Variants in SLC35F4 observed in about 807,000 individuals in gnomAD.
SLC35F4 encodes the protein chromosome 14 open reading frame 36.
Under a neutral mutation model 44.2 loss-of-function variants are expected in SLC35F4, and 24 were observed. The ratio of observed to expected loss-of-function variants is 0.54; its 90% confidence interval spans 0.39 to 0.76. SLC35F4 has a LOEUF of 0.76. SLC35F4 is among the 30% of genes least tolerant of loss of function. SLC35F4 has a pLI of 0.00. For synonymous variants in SLC35F4, 238 were observed against 223.6 expected, an observed-to-expected ratio of 1.06 and a Z score of -0.57; for missense variants, 562 against 586.1, an observed-to-expected ratio of 0.96 and a Z score of 0.42.
rs748597599 is a variant in SLC35F4 at position 57,564,130 on chromosome 14, C to G, written c.*5G>C. ...CATACACGTGCATTCAAAATATGTC[C>G]CTCTCTAAGCCAGTGGTATAGACAC... On this transcript the variant is annotated 3_prime_UTR_variant, in exon 8 of 8. Coordinates refer to ENST00000556826, the MANE Select transcript of SLC35F4 (RefSeq NM_001306087.2). 6.2e-7 allele frequency: 1 copy of G among 1,613,106 alleles called. No individual in the cohort carries two copies. Among genetic ancestry groups the G allele is most frequent in the South Asian group, 1.1e-5 (1 of 91,012 alleles).
chr14:57,910,200 G>C (rs1469931063), intron 1 of SLC35F4, among the ~76,000 whole-genome samples: 1 of 151,940 alleles, frequency 6.6e-6, no homozygotes, highest in Non-Finnish European at 1.5e-5. Flanking sequence ...TTGTATATCA[G>C]TCCTGTATCG....
chr14:57,795,910 A>G (rs2078043239), intron 1 of SLC35F4, among the ~76,000 whole-genome samples: 1 of 152,122 alleles, frequency 6.6e-6, no homozygotes. Flanking sequence ...GGTAGTAAGC[A>G]TAGTACCCAA....
chr14:57,719,144 G>A (rs577764123), intron 1 of SLC35F4, among the ~76,000 whole-genome samples: 56 of 152,240 alleles, frequency 3.7e-4, no homozygotes, highest in African/African-American at 1.3e-3. Flanking sequence ...TGAGTTCACT[G>A]TAGATGTGTG....
chr14:57,718,290 G>A (rs1298441164), intron 1 of SLC35F4, among the ~76,000 whole-genome samples: 1 of 152,128 alleles, frequency 6.6e-6, no homozygotes, highest in South Asian at 2.1e-4. Context: ...ATTGTGAATA[G>A]TGCTGCAACA....
intron 1 of SLC35F4, among the ~76,000 whole-genome samples, chr14:57,930,529 C>A (rs1436746008): frequency 6.6e-6 from 1 of 152,160 alleles, no homozygotes; most frequent in Non-Finnish European, 1.5e-5. Context: ...CTCATTGTCT[C>A]TCTCCCGCTC....
intron 1 of SLC35F4, among the ~76,000 whole-genome samples, chr14:57,699,367 A>T (rs1337676119): frequency 2.0e-5 from 3 of 152,144 alleles, no homozygotes; most frequent in Non-Finnish European, 2.9e-5. Context: ...TTATTTTAAC[A>T]CTTTTTCAGA....
intron 1 of SLC35F4, among the ~76,000 whole-genome samples, chr14:57,724,322 G>A (rs2076153049): frequency 6.6e-6 from 1 of 152,166 alleles, no homozygotes; most frequent in Non-Finnish European, 1.5e-5. Context: ...CACAGTGGAG[G>A]CCTCTAGGAT....
In SLC35F4 at chr14:57,726,269, C is replaced by A. The variant is rs368761305; in HGVS notation, c.104-132145G>T. Reference sequence around the variant, plus strand: ...CAGGCAGGACTACAAATGACCCAGACCCTTCAGGAATGAAGGTTTGGGTCA... The same window carrying A: ...CAGGCAGGACTACAAATGACCCAGAACCTTCAGGAATGAAGGTTTGGGTCA... On this transcript the variant is annotated intron_variant, in intron 1 of 7. Transcript: ENST00000556826. Among the ~76,000 whole-genome samples, 4 of 152,202 alleles carry A rather than the reference C, an allele frequency of 2.6e-5. No homozygotes were observed. In the East Asian group the frequency reaches 7.7e-4, roughly 29 times the overall value.
intron 1 of SLC35F4, among the ~76,000 whole-genome samples, chr14:57,612,116 T>G (rs1398368124): frequency 6.6e-6 from 1 of 152,194 alleles, no homozygotes; most frequent in East Asian, 1.9e-4. Flanking sequence ...CCAGATGCAG[T>G]GGTTCACACC....
intron 1 of SLC35F4, among the ~76,000 whole-genome samples, chr14:57,708,901 CAG>C (rs370125596): frequency 4.6e-5 from 7 of 150,632 alleles, no homozygotes; most frequent in Admixed American, 1.3e-4. Context: ...GCAGCTGAGG[CAG>C]AGAGAGAGAG....
intron 1 of SLC35F4, among the ~76,000 whole-genome samples, chr14:57,709,844 A>G (rs930129644): frequency 1.3e-5 from 2 of 152,216 alleles, no homozygotes; most frequent in Non-Finnish European, 2.9e-5. Flanking sequence ...TTATGCATTC[A>G]CAAAGATATG....
intron 1 of SLC35F4, among the ~76,000 whole-genome samples, chr14:57,684,375 G>A (rs973978611): frequency 2.6e-5 from 4 of 152,114 alleles, no homozygotes; most frequent in African/African-American, 9.7e-5. Flanking sequence ...ATGGGGTGAA[G>A]GGATGGCTTC....
intron 1 of SLC35F4, among the ~76,000 whole-genome samples, chr14:57,839,549 T>C (rs1885284630): frequency 1.3e-5 from 2 of 151,680 alleles, no homozygotes; most frequent in African/African-American, 4.8e-5. Context: ...TAAGGACACA[T>C]GAGGGGCAGC....
At chr14:57,801,247 A>G (rs1296631094) in intron 1 of SLC35F4, among the ~76,000 whole-genome samples, 2 of 152,216 alleles carry the variant, frequency 1.3e-5, no homozygotes, top group African/African-American at 4.8e-5. Flanking sequence ...CCAAACCAGA[A>G]TTTCGTATCC....
chr14:57,712,845 T>C (rs2075847356), intron 1 of SLC35F4, among the ~76,000 whole-genome samples: 1 of 152,214 alleles, frequency 6.6e-6, no homozygotes, highest in Non-Finnish European at 1.5e-5. Flanking sequence ...ATGTAAACAA[T>C]TTTAAAGATG....
At chr14:57,709,737 G>A (rs1011074330) in intron 1 of SLC35F4, among the ~76,000 whole-genome samples, 2 of 152,088 alleles carry the variant, frequency 1.3e-5, no homozygotes, top group African/African-American at 4.8e-5. Context: ...GTATCTAAGG[G>A]TAAGATCTCT....
At position 57,728,228 on chromosome 14, in the gene SLC35F4, G is replaced by T. The variant is rs181813247; in HGVS notation, c.104-134104C>A. 3.2e-3 allele frequency among the ~76,000 whole-genome samples: 493 copies of T among 151,868 alleles called. 4 individuals are homozygous for T. Among genetic ancestry groups the T allele is most frequent in the African/African-American group, 0.011 (460 of 41,408 alleles). On this transcript the variant is annotated intron_variant, in intron 1 of 7. Coordinates refer to ENST00000556826, the MANE Select transcript of SLC35F4 (RefSeq NM_001306087.2). Reference sequence around the variant, plus strand: ...TCCTGCTCTTTTTTGGTTTCCACTGGCATGGAATATCTTTTTCATCCCTTT... The same window carrying T: ...TCCTGCTCTTTTTTGGTTTCCACTGTCATGGAATATCTTTTTCATCCCTTT...
intron 1 of SLC35F4, among the ~76,000 whole-genome samples, chr14:57,859,438 C>T (rs1435612055): frequency 6.6e-6 from 1 of 152,184 alleles, no homozygotes; most frequent in Non-Finnish European, 1.5e-5. Context: ...TCTCCCTTTG[C>T]TCTCTGCCTT....
intron 3 of SLC35F4, among the ~76,000 whole-genome samples, chr14:57,585,076 C>T (rs2069600152): frequency 6.6e-6 from 1 of 152,198 alleles, no homozygotes; most frequent in South Asian, 2.1e-4. Flanking sequence ...TAAGCATTTA[C>T]TCTCTTTGAA....
Sources: allele counts gnomAD v4.1 joint callset (sites outside exome capture counted in the v4.1 genomes callset), GRCh38; gene constraint gnomAD v4.1.1; transcripts MANE v1.5; gene names NCBI Gene and HGNC (gene_info 2026-07-23, HGNC 2026-07-21).